Variants in DNAJB6 observed in about 807,000 individuals in gnomAD.
DNAJB6 encodes the protein DnaJ heat shock protein family (Hsp40) member B6, also known as dnaJ homolog subfamily B member 6.
DNAJB6 carries 16 observed loss-of-function variants against 42.7 expected under a neutral mutation model. The ratio of observed to expected loss-of-function variants is 0.37; its 90% CI spans 0.25 to 0.57. DNAJB6 has a LOEUF of 0.57. DNAJB6 is among the 20% of genes least tolerant of loss of function. The pLI, the probability that DNAJB6 is intolerant of heterozygous loss-of-function variation, is 0.74. For synonymous variants in DNAJB6, 170 were observed against 163.5 expected (o/e 1.04, Z -0.30); for missense variants, 347 against 416.8 (o/e 0.83, Z 1.46).
chr7:157,363,096 T>C (rs1799684090), intron 2 of DNAJB6, 65 bp from the exon 3 acceptor site: 2 of 1,134,272 alleles, frequency 1.8e-6, no homozygotes. Flanking sequence ...TTAATGATGT[T>C]AGTTTCAAAA....
Position 157,353,619 on chromosome 7 carries a change from G to GTGTGTGTGTA in DNAJB6, c.-26-4925_-26-4924insGTGTGTATGT, listed in dbSNP as rs765489885. Reference sequence around the variant, plus strand: ...TGTGTGTGTGTGTGTGTGTGTGTGTGTGTATGTATTTTTTTTTGTTTGTTT... The same window carrying GTGTGTGTGTA: ...TGTGTGTGTGTGTGTGTGTGTGTGTGTGTGTGTGTATGTATGTATTTTTTTTTGTTTGTTT... On this transcript the variant is annotated intron_variant, in intron 1 of 9. Transcript: ENST00000262177. Among the ~76,000 whole-genome samples, 1,096 of 146,910 alleles carry GTGTGTGTGTA rather than the reference G, an allele frequency of 7.5e-3. 3 individuals are homozygous for GTGTGTGTGTA. Among genetic ancestry groups the GTGTGTGTGTA allele is most frequent in the African/African-American group, 0.021 (821 of 38,996 alleles).
At chr7:157,393,765 A>G (rs748041158) in intron 8 of DNAJB6, among the ~76,000 whole-genome samples, 3 of 151,520 alleles carry the variant, frequency 2.0e-5, no homozygotes, top group Non-Finnish European at 2.9e-5. Flanking sequence ...ATCGGGGTGC[A>G]TGTGTGCAGT....
chr7:157,366,652 T>C, intron 4 of DNAJB6, 91 bp downstream of exon 4: 1 of 1,233,652 alleles, frequency 8.1e-7, no homozygotes, highest in Non-Finnish European at 1.2e-6. Flanking sequence ...GAGTCGATTT[T>C]GTATCAGTAA....
chr7:157,356,697 A>T (rs899373766), intron 1 of DNAJB6, among the ~76,000 whole-genome samples: 1 of 152,374 alleles, frequency 6.6e-6, no homozygotes, highest in South Asian at 2.1e-4. Flanking sequence ...AAAGCTGATA[A>T]CGTTAAATTG....
intron 5 of DNAJB6, 168 bp from the exon 6 acceptor site, chr7:157,382,078 G>A (rs539460376): frequency 3.2e-5 from 18 of 561,286 alleles, no homozygotes; most frequent in Non-Finnish European, 5.0e-5. Context: ...AAAACTGTTG[G>A]TGAGGTAGTG....
chr7:157,347,057 G>A (rs1798726730), intron 1 of DNAJB6, among the ~76,000 whole-genome samples: 1 of 151,910 alleles, frequency 6.6e-6, no homozygotes, highest in Non-Finnish European at 1.5e-5. Context: ...GGGTTTCACC[G>A]TGTTAGCTAG....
intron 3 of DNAJB6, among the ~76,000 whole-genome samples, chr7:157,363,969 T>C (rs764218316): frequency 7.2e-5 from 11 of 152,180 alleles, no homozygotes; most frequent in Admixed American, 2.0e-4. Context: ...GCTGCAGTGC[T>C]GGGTGGCCTG....
intron 5 of DNAJB6, chr7:157,368,997 T>C: frequency 2.9e-6 from 1 of 347,838 alleles, no homozygotes; most frequent in East Asian, 7.9e-5. Flanking sequence ...CAAATGGGGA[T>C]TCAAAGAGGT....
chr7:157,361,333 A>G (rs1042030333), intron 2 of DNAJB6, among the ~76,000 whole-genome samples: 28 of 151,798 alleles, frequency 1.8e-4, no homozygotes, highest in Non-Finnish European at 3.2e-4. Flanking sequence ...TAATTTTTAT[A>G]TTTTTAATAG....
intron 3 of DNAJB6, among the ~76,000 whole-genome samples, chr7:157,364,537 G>A (rs547417111): frequency 2.6e-4 from 39 of 152,278 alleles, no homozygotes; most frequent in African/African-American, 9.4e-4. Context: ...CTCTCCTCAA[G>A]TTCCAAGCAC....
intron 8 of DNAJB6, among the ~76,000 whole-genome samples, chr7:157,388,380 A>G (rs922553681): frequency 1.3e-5 from 2 of 152,206 alleles, no homozygotes; most frequent in African/African-American, 4.8e-5. Flanking sequence ...TTGGAAGAAT[A>G]ATAGCATTTG....
intron 7 of DNAJB6, among the ~76,000 whole-genome samples, 177 bp downstream of exon 7, chr7:157,385,185 A>T (rs1800992595): frequency 6.6e-6 from 1 of 152,208 alleles, no homozygotes; most frequent in South Asian, 2.1e-4. Flanking sequence ...AATTTTACTT[A>T]ACTGTTGAAT....
intron 5 of DNAJB6, among the ~76,000 whole-genome samples, chr7:157,372,675 A>G (rs1231723017): frequency 1.3e-5 from 2 of 152,176 alleles, no homozygotes; most frequent in East Asian, 3.8e-4. Flanking sequence ...CTCTTTCCCT[A>G]GAAGCCAGAG....
At chr7:157,366,250 C>T (rs188900581) in intron 3 of DNAJB6, among the ~76,000 whole-genome samples, 66 of 152,264 alleles carry the variant, frequency 4.3e-4, no homozygotes, top group Admixed American at 7.8e-4. Flanking sequence ...CATGCCTGGC[C>T]GTAAATACTT....
chr7:157,402,595 C>T (rs1176042387), intron 8 of DNAJB6, among the ~76,000 whole-genome samples: 6 of 152,234 alleles, frequency 3.9e-5, no homozygotes, highest in Admixed American at 3.3e-4. Flanking sequence ...CTTCCACCTC[C>T]GTAGGCCTGA....
At chr7:157,380,113 C>T (rs530095749) in intron 5 of DNAJB6, 12 of 152,256 alleles carry the variant, frequency 7.9e-5, no homozygotes, top group Admixed American at 2.0e-4. Flanking sequence ...TGCACCCTCC[C>T]GGAAATGCTT....
chr7:157,376,555 A>C (rs1020897239), intron 5 of DNAJB6, among the ~76,000 whole-genome samples: 4 of 152,174 alleles, frequency 2.6e-5, no homozygotes, highest in African/African-American at 9.7e-5. Context: ...ACATGTGTCC[A>C]AGTGGTCAGG....
intron 5 of DNAJB6, among the ~76,000 whole-genome samples, chr7:157,372,971 T>C (rs1055089260): frequency 6.6e-6 from 1 of 152,232 alleles, no homozygotes; most frequent in Non-Finnish European, 1.5e-5. Context: ...GATTTCACTG[T>C]GTTGCTTAGG....
chr7:157,339,441 G>A (rs1236434897), intron 1 of DNAJB6, among the ~76,000 whole-genome samples: 2 of 151,828 alleles, frequency 1.3e-5, no homozygotes, highest in Non-Finnish European at 2.9e-5. Context: ...GGGACTTCAA[G>A]CTTCCGCCAC....
Sources: gnomAD v4.1 joint callset for allele counts (sites outside exome capture counted in the v4.1 genomes callset) on GRCh38, gnomAD v4.1.1 for gene constraint, MANE v1.5 for transcripts, NCBI Gene and HGNC (gene_info 2026-07-23, HGNC 2026-07-21) for gene names.